The following TLL2 variants were observed in gnomAD, a reference collection of about 807,000 sequenced individuals.
TLL2 encodes tolloid-like protein 2.
TLL2 carries 106 observed loss-of-function variants against 123.0 expected under a neutral mutation model. The ratio of observed to expected loss-of-function variants is 0.86; its 90% CI spans 0.74 to 1.01. TLL2 has a LOEUF of 1.01. Ranked by LOEUF, TLL2 falls within the 50% of genes least tolerant of loss-of-function variation. The pLI is 0.00. For missense variants in TLL2, 1,332 were observed against 1,336.7 expected, an observed-to-expected ratio of 1.00 and a Z score of 0.06; for synonymous variants, 494 against 516.8, an observed-to-expected ratio of 0.96 and a Z score of 0.60.
intron 1 of TLL2, among the ~76,000 whole-genome samples, chr10:96,482,302 G>A (rs1039041247): frequency 6.6e-6 from 1 of 151,468 alleles, no homozygotes; most frequent in Non-Finnish European, 1.5e-5. Flanking sequence ...AATTTATCGT[G>A]AGACCCAGCA....
chr10:96,398,181 T>C (rs1351870321), intron 10 of TLL2, among the ~76,000 whole-genome samples: 9 of 152,158 alleles, frequency 5.9e-5, no homozygotes, highest in Admixed American at 5.9e-4. Context: ...TGGAAGTGAC[T>C]TTCCCACAGC....
chr10:96,367,845 C>T lies in TLL2; in HGVS notation c.*243G>A. 1 of 460,922 alleles carries T rather than the reference C, an allele frequency of 2.2e-6. No individual in the cohort carries two copies. Among genetic ancestry groups the T allele is most frequent in the Non-Finnish European group, 3.9e-6 (1 of 255,850 alleles). The allele number at this position is 460,922 out of a possible 1,614,324, so 28.6% of individuals were successfully genotyped here. ...CAGTGACTTCAATCCTAATCTTTAACACTTTAACAGTTCATGAATGATAAC... is the reference window on the plus strand; with the variant it reads ...CAGTGACTTCAATCCTAATCTTTAATACTTTAACAGTTCATGAATGATAAC... On this transcript the variant is annotated 3_prime_UTR_variant, in exon 21 of 21. Coordinates refer to ENST00000357947, the MANE Select transcript of TLL2 (RefSeq NM_012465.4).
At chr10:96,459,690 AAAAAAAAAAAAAAAAATATAT>A (rs1847055395) in intron 2 of TLL2, among the ~76,000 whole-genome samples, 3 of 67,640 alleles carry the variant, frequency 4.4e-5, no homozygotes, top group South Asian at 5.3e-4. Flanking sequence ...AAAAAAAAAA[AAAAAAAAAAAAAAAAATATAT>A]ATATATATAT....
At chr10:96,416,308 G>A (rs900659219) in intron 7 of TLL2, among the ~76,000 whole-genome samples, 2 of 152,194 alleles carry the variant, frequency 1.3e-5, no homozygotes, top group Admixed American at 6.5e-5. Flanking sequence ...CTTTGCCAGC[G>A]GGCCTGGGGC....
rs772042195 is a variant in TLL2 at position 96,379,220 on chromosome 10, T to A, written c.2195-128A>T. 2.1e-4 allele frequency: 258 copies of A among 1,238,552 alleles called. 1 individual carries two copies. The highest frequency in any genetic ancestry group is 2.7e-4 in the Non-Finnish European group (237 of 885,488). The allele number at this position is 1,238,552 out of a possible 1,614,324, so 76.7% of individuals were successfully genotyped here. ...TGATTGCTCCCCTTCCCCCTCTGATTGTTCCCTCACTGGAGGAGTGAAGTG... is the reference window on the plus strand; with the variant it reads ...TGATTGCTCCCCTTCCCCCTCTGATAGTTCCCTCACTGGAGGAGTGAAGTG... On this transcript the variant is annotated intron_variant, in intron 16 of 20. Coordinates refer to ENST00000357947, the MANE Select transcript of TLL2 (RefSeq NM_012465.4).
Position 96,370,046 on chromosome 10 carries a change from C to T in TLL2, c.2913+19G>A. 6.4e-7 allele frequency: 1 copy of T among 1,552,970 alleles called. No homozygotes were observed. Among genetic ancestry groups the T allele is most frequent in the Non-Finnish European group, 8.7e-7 (1 of 1,151,630 alleles). On this transcript the variant is annotated intron_variant, in intron 20 of 20. Transcript: ENST00000357947. The stretch of plus-strand genomic sequence containing the variant: ...GAATCATCACACTCTGCCCCGGCCC[C>T]AGCGTCTCCGGGACTTACCCCAGAG...
intron 7 of TLL2, among the ~76,000 whole-genome samples, chr10:96,417,691 A>G (rs56112335): frequency 0.012 from 1,767 of 152,270 alleles, 36 homozygotes; most frequent in African/African-American, 0.04. Flanking sequence ...GGTCTAGCCT[A>G]CTGGAGGATG....
At chr10:96,371,967 GC>G (rs2134050375) in intron 19 of TLL2, among the ~76,000 whole-genome samples, 1 of 152,322 alleles carries the variant, frequency 6.6e-6, no homozygotes, top group South Asian at 2.1e-4. Context: ...GCCTGGAGTT[GC>G]AGTTCCTAGC....
At chr10:96,386,504 A>C (rs1253496349) in intron 14 of TLL2, among the ~76,000 whole-genome samples, 2 of 152,172 alleles carry the variant, frequency 1.3e-5, no homozygotes, top group East Asian at 3.9e-4. Flanking sequence ...GCCAAAGGAG[A>C]ATTAGAAATG....
At chr10:96,411,313 A>G (rs1846504092) in intron 8 of TLL2, among the ~76,000 whole-genome samples, 1 of 151,658 alleles carries the variant, frequency 6.6e-6, no homozygotes, top group Non-Finnish European at 1.5e-5. Context: ...AGGTAAGACA[A>G]AAAGAAAAAA....
chr10:96,486,195 G>C (rs752394506), intron 1 of TLL2, among the ~76,000 whole-genome samples: 2 of 152,120 alleles, frequency 1.3e-5, no homozygotes, highest in Non-Finnish European at 2.9e-5. Context: ...TATAAGACGA[G>C]GATTGACTAT....
chr10:96,496,157 C>T (rs1394763351), intron 1 of TLL2, among the ~76,000 whole-genome samples: 4 of 152,150 alleles, frequency 2.6e-5, no homozygotes, highest in Non-Finnish European at 5.9e-5. Context: ...CATGTGCCTC[C>T]CCTTACCCAC....
intron 12 of TLL2, among the ~76,000 whole-genome samples, chr10:96,395,663 A>G (rs1260731912): frequency 1.3e-5 from 2 of 152,128 alleles, no homozygotes; most frequent in African/African-American, 2.4e-5. Context: ...ATTATTCTCA[A>G]CCTCTCTTAC....
intron 3 of TLL2, among the ~76,000 whole-genome samples, chr10:96,433,870 G>A (rs2134081614): frequency 6.6e-6 from 1 of 152,214 alleles, no homozygotes; most frequent in Admixed American, 6.5e-5. Context: ...CCACCTCCCG[G>A]GTTCAAGCGA....
At chr10:96,460,894 C>G (rs759092805) in intron 2 of TLL2, among the ~76,000 whole-genome samples, 7 of 152,122 alleles carry the variant, frequency 4.6e-5, no homozygotes, top group Non-Finnish European at 8.8e-5. Context: ...ATCTATGAAC[C>G]AGGAAGCAGG....
At position 96,364,942 on chromosome 10, in the gene TLL2, T is replaced by C. The variant is rs896550424; in HGVS notation, c.*3146A>G. 1 of 152,214 alleles carries C rather than the reference T, an allele frequency of 6.6e-6. No homozygotes were observed. Among genetic ancestry groups the C allele is most frequent in the African/African-American group, 2.4e-5 (1 of 41,450 alleles). The allele number at this position is 152,214 out of a possible 1,614,324, so 9.4% of individuals were successfully genotyped here. On this transcript the variant is annotated 3_prime_UTR_variant, in exon 21 of 21. Coordinates refer to ENST00000357947, the MANE Select transcript of TLL2 (RefSeq NM_012465.4). ...AATCAATAGAAAATCTCAATGTGAA[T>C]TTGCTAGTTAGCAGGATTTTACAAA...
chr10:96,379,168 A>G, intron 16 of TLL2, 76 bp from the exon 17 acceptor site: 1 of 1,559,440 alleles, frequency 6.4e-7, no homozygotes, highest in Non-Finnish European at 8.8e-7. Flanking sequence ...ATCCCACTTA[A>G]AAGTGGCCTC....
At chr10:96,458,632 G>A (rs926129488) in intron 2 of TLL2, among the ~76,000 whole-genome samples, 14 of 147,178 alleles carry the variant, frequency 9.5e-5, no homozygotes, top group African/African-American at 3.0e-4. Context: ...TCAGCCAGTC[G>A]TGGTGGCTCA....
Position 96,384,647 on chromosome 10 carries a change from C to T in TLL2, c.2134G>A (p.Val712Met), listed in dbSNP as rs746988385. 2.5e-6 allele frequency: 4 copies of T among 1,612,282 alleles called. No individual in the cohort carries two copies. Among genetic ancestry groups the T allele is most frequent in the South Asian group, 2.2e-5 (2 of 90,768 alleles). The change falls in exon 16 of 21, where the codon GTG becomes ATG. Residue 712 changes from valine (V) to methionine (M), a missense_variant. Transcript: ENST00000357947. ...VITSQSNNMR[V>M]EFKSDNTVSK... ...ACGGTGTTGTCGGACTTGAACTCCA[C>T]GCGCATGTTGTTGCTCTGCGAGGTG...
Sources: allele counts gnomAD v4.1 joint callset (sites outside exome capture counted in the v4.1 genomes callset), GRCh38; gene constraint gnomAD v4.1.1; transcripts MANE v1.5; gene names NCBI Gene and HGNC (gene_info 2026-07-23, HGNC 2026-07-21).